The following RAI1 variants were observed in gnomAD, a reference collection of about 807,000 sequenced individuals.
RAI1 encodes the protein retinoic acid-induced protein 1.
RAI1 carries 9 observed loss-of-function variants against 123.8 expected under a neutral mutation model. The observed-to-expected ratio is 0.07, with a 90% CI of 0.04 to 0.13. The LOEUF (loss-of-function observed/expected upper bound fraction) is 0.13, where lower values mean the gene tolerates loss of function less well. RAI1 is among the 10% of genes least tolerant of loss of function. The probability of loss-of-function intolerance (pLI) is 1.00; values close to 1 mark genes in which losing one functional copy is unlikely to be tolerated. For synonymous variants in RAI1, 1,231 were observed against 1,127.3 expected (o/e 1.09, Z -1.84); for missense variants, 2,256 against 2,545.8 (o/e 0.89, Z 2.45).
chr17:17,811,156 A>G lies in RAI1; in HGVS notation c.*1175A>G. On this transcript the variant is annotated 3_prime_UTR_variant, in exon 6 of 6. Coordinates refer to ENST00000353383, the MANE Select transcript of RAI1 (RefSeq NM_030665.4). ...ATAGGCCTGACGCAGCCCCCAGCCC[A>G]GGGCCGCCCTAGCAACTTCCTGTAC... 3.5e-6 allele frequency: 1 copy of G among 289,810 alleles called. No homozygotes were observed. Among genetic ancestry groups the G allele is most frequent in the Non-Finnish European group, 6.8e-6 (1 of 146,842 alleles). 18.0% of individuals were successfully genotyped at this position (289,810 alleles called of 1,614,324 possible). A position where few individuals can be genotyped will look rare whatever the true frequency, so the allele number is the denominator to read the frequency against.
chr17:17,699,742 TTGG>T lies in RAI1; in HGVS notation c.-149+17953_-149+17955del, dbSNP rs112924825. Among the ~76,000 whole-genome samples the T allele has an allele frequency of 3.2e-3, 494 of 152,346 alleles. 7 individuals carry two copies. Among genetic ancestry groups the T allele is most frequent in the East Asian group, 0.024 (123 of 5,188 alleles). On this transcript the variant is annotated intron_variant, in intron 1 of 5. Transcript: ENST00000353383. ...TCTACCCTGCTTCCCCCGGCCACAG[TTGG>T]TGGAGATGGCTACTGTCTGCCGGGT...
intron 2 of RAI1, among the ~76,000 whole-genome samples, chr17:17,774,618 G>T (rs1482139804): frequency 6.6e-6 from 1 of 152,262 alleles, no homozygotes; most frequent in Non-Finnish European, 1.5e-5. Flanking sequence ...CTGGAGCCAG[G>T]TTTCTGTCAC....
rs200061071 is a variant in RAI1 at position 17,794,873 on chromosome 17, C to T, written c.1925C>T (p.Ser642Leu). The T allele has an allele frequency of 4.5e-5, 73 of 1,613,352 alleles. No individual in the cohort carries two copies. Among genetic ancestry groups the T allele is most frequent in the Admixed American group, 4.2e-4 (25 of 60,032 alleles). The change falls in exon 3 of 6, where the codon TCG becomes TTG. Residue 642 changes from serine to leucine, a missense_variant. Coordinates refer to ENST00000353383, the MANE Select transcript of RAI1 (RefSeq NM_030665.4). ...AAGGACAGCAGCAAGCCACCCTTCT[C>T]GCTGGAGAACCACAGCGCCTGCCTG... ...LVKDSSKPPF[S>L]LENHSACLDS...
At chr17:17,792,912 C>G in intron 2 of RAI1, 21 bp from the exon 3 acceptor site, 1 of 1,429,198 alleles carries the variant, frequency 7.0e-7, no homozygotes, top group Non-Finnish European at 9.8e-7. Context: ...TCCCTCCCTC[C>G]CTTCCTTTTT....
chr17:17,726,381 G>A lies in RAI1; in HGVS notation c.-17+2222G>A, dbSNP rs12603026. ...TGGACCATGAGACCCTAGTGGCTGAGGGAGGCCTGGGTGAGGCTCTGGGAG... is the reference window on the plus strand; with the variant it reads ...TGGACCATGAGACCCTAGTGGCTGAAGGAGGCCTGGGTGAGGCTCTGGGAG... On this transcript the variant is annotated intron_variant, in intron 2 of 5. Transcript: ENST00000353383. 3.3e-3 allele frequency among the ~76,000 whole-genome samples: 493 copies of A among 151,600 alleles called. 6 individuals carry two copies. The highest frequency in any genetic ancestry group is 0.026 in the East Asian group (134 of 5,158).
Position 17,794,471 on chromosome 17 carries a change from C to T in RAI1, c.1523C>T (p.Thr508Met), listed in dbSNP as rs762324455. 8.1e-6 allele frequency: 13 copies of T among 1,612,202 alleles called. No homozygotes were observed. Among genetic ancestry groups the T allele is most frequent in the South Asian group, 3.3e-5 (3 of 91,042 alleles). ...CCGCCGAGCAGCACGCCACAGTCCA[C>T]GCATGCGGAGCCGCAGGAGGCCGAC... ...SEPPSSTPQSTHAEPQEADYL... is the reference protein window; with the variant it reads ...SEPPSSTPQSMHAEPQEADYL... The change falls in exon 3 of 6, where the codon ACG (threonine) becomes ATG (methionine). Residue 508 changes from threonine (T) to methionine (M), a missense_variant. By Grantham distance (81) the Thr-to-Met change is moderately conservative (BLOSUM62 -1). Transcript: ENST00000353383.
chr17:17,779,818 A>G (rs574582620), intron 2 of RAI1, among the ~76,000 whole-genome samples: 3 of 136,070 alleles, frequency 2.2e-5, no homozygotes, highest in Admixed American at 7.9e-5. Flanking sequence ...GCCCTTGCCC[A>G]GGCTGGAGTG....
intron 2 of RAI1, among the ~76,000 whole-genome samples, chr17:17,746,350 C>G (rs1021948660): frequency 6.6e-6 from 1 of 152,246 alleles, no homozygotes; most frequent in African/African-American, 2.4e-5. Context: ...TTGAAGGAAA[C>G]ATCTGTTCAG....
chr17:17,802,809 C>G (rs1355737603), intron 3 of RAI1, among the ~76,000 whole-genome samples: 1 of 151,922 alleles, frequency 6.6e-6, no homozygotes, highest in African/African-American at 2.4e-5. Context: ...GTAGGCCAGG[C>G]GCTATGTCTT....
intron 1 of RAI1, among the ~76,000 whole-genome samples, chr17:17,707,888 A>C (rs768664689): frequency 6.6e-6 from 1 of 152,220 alleles, no homozygotes; most frequent in Non-Finnish European, 1.5e-5. Context: ...GCCACCGTGC[A>C]GGCCAGACTC....
At chr17:17,722,511 G>A (rs1407581614) in intron 1 of RAI1, among the ~76,000 whole-genome samples, 2 of 152,160 alleles carry the variant, frequency 1.3e-5, no homozygotes, top group Non-Finnish European at 2.9e-5. Flanking sequence ...CCTTGAGTGC[G>A]CTCCCCTCGG....
intron 2 of RAI1, among the ~76,000 whole-genome samples, chr17:17,783,476 A>C (rs542319275): frequency 8.6e-5 from 13 of 151,220 alleles, no homozygotes; most frequent in South Asian, 8.4e-4. Context: ...AGTCCTGCGG[A>C]TTTTCTCCGG....
In RAI1 at chr17:17,705,773, C is replaced by T. The variant is rs777232791; in HGVS notation, c.-148-18255C>T. Among the ~76,000 whole-genome samples, 130 of 151,996 alleles carry T rather than the reference C, an allele frequency of 8.6e-4. 1 individual carries two copies. The highest frequency in any genetic ancestry group is 2.4e-4 in the Non-Finnish European group (16 of 68,002). On this transcript the variant is annotated intron_variant, in intron 1 of 5. Transcript: ENST00000353383. ...GGGCACGGTGGCTCACGCCTGTAAT[C>T]CCAGCACTTTGAGAGGCCGAGGTGG...
Position 17,811,189 on chromosome 17 carries a change from T to A in RAI1, c.*1208T>A. ...CCTAGCAACTTCCTGTACATATGAC[T>A]GTAAAATGGTAAACGTGTGTATTAT... On this transcript the variant is annotated 3_prime_UTR_variant, in exon 6 of 6. Coordinates refer to ENST00000353383, the MANE Select transcript of RAI1 (RefSeq NM_030665.4). The A allele has an allele frequency of 3.1e-6, 1 of 323,832 alleles. No homozygotes were observed. The highest frequency in any genetic ancestry group is 2.6e-5 in the South Asian group (1 of 38,578). 20.1% of individuals were successfully genotyped at this position (323,832 alleles called of 1,614,324 possible). A position where few individuals can be genotyped will look rare whatever the true frequency, so the allele number is the denominator to read the frequency against.
chr17:17,685,150 C>T lies in RAI1; in HGVS notation c.-149+3357C>T, dbSNP rs1914585877. ...TGGCCATGGCATGGGTGTCTTTTTCCTCCCCTATCCAACGTGTGGCTCCAC... is the reference window on the plus strand; with the variant it reads ...TGGCCATGGCATGGGTGTCTTTTTCTTCCCCTATCCAACGTGTGGCTCCAC... On this transcript the variant is annotated intron_variant, in intron 1 of 5. Transcript: ENST00000353383. The surrounding 1 kb of genome is among the most constrained non-coding windows in gnomAD (Gnocchi z 4.0). 1 of 152,242 alleles carries T rather than the reference C, an allele frequency of 6.6e-6. No individual in the cohort carries two copies. Among genetic ancestry groups the T allele is most frequent in the Admixed American group, 6.5e-5 (1 of 15,288 alleles). The allele number at this position is 152,242 out of a possible 1,614,324, so 9.4% of individuals were successfully genotyped here.
Position 17,798,004 on chromosome 17 carries a change from G to T in RAI1, c.5056G>T (p.Val1686Phe), listed in dbSNP as rs780898737. 6.2e-7 allele frequency: 1 copy of T among 1,614,080 alleles called. No individual in the cohort carries two copies. The highest frequency in any genetic ancestry group is 1.1e-5 in the South Asian group (1 of 91,084). ...CAAGGCCCTGAGTACCTCTTGCCTT[G>T]TTTGCTGCCTCTGCCAAAACCCGGC... ...VSKALSTSCL[V>F]CCLCQNPANF... The change falls in exon 3 of 6, where the codon GTT (valine) becomes TTT (phenylalanine). Residue 1686 changes from valine to phenylalanine, a missense_variant. Coordinates refer to ENST00000353383, the MANE Select transcript of RAI1 (RefSeq NM_030665.4).
intron 2 of RAI1, among the ~76,000 whole-genome samples, chr17:17,785,093 T>C (rs2031777876): frequency 6.6e-6 from 1 of 152,226 alleles, no homozygotes; most frequent in African/African-American, 2.4e-5. Flanking sequence ...GCAAGGGCCA[T>C]GTGCTGTTTC....
At chr17:17,783,476 A>G (rs542319275) in intron 2 of RAI1, among the ~76,000 whole-genome samples, 3 of 151,102 alleles carry the variant, frequency 2.0e-5, no homozygotes, top group Non-Finnish European at 2.9e-5. Flanking sequence ...AGTCCTGCGG[A>G]TTTTCTCCGG....
chr17:17,751,035 C>A (rs1219907736), intron 2 of RAI1, among the ~76,000 whole-genome samples: 1 of 152,232 alleles, frequency 6.6e-6, no homozygotes, highest in East Asian at 1.9e-4. Context: ...GGCTAGTAAC[C>A]ATTAGCCGTC....
Sources: allele counts gnomAD v4.1 joint callset (sites outside exome capture counted in the v4.1 genomes callset), GRCh38; gene constraint gnomAD v4.1.1; non-coding constraint Gnocchi (gnomAD v3.1); transcripts MANE v1.5; gene names NCBI Gene and HGNC (gene_info 2026-07-23, HGNC 2026-07-21).